PCDH17: variants seen among roughly 807,000 people sequenced by gnomAD.
PCDH17 encodes the protein protocadherin-17.
In PCDH17, 21 loss-of-function variants were observed where a neutral mutation model predicts 67.7. That is an observed-to-expected ratio of 0.31 (90% CI 0.22 to 0.45). The LOEUF (loss-of-function observed/expected upper bound fraction) is 0.45, where lower values mean the gene tolerates loss of function less well. Ranked by LOEUF, PCDH17 falls within the 20% of genes least tolerant of loss-of-function variation. The pLI is 1.00. For synonymous variants in PCDH17, 701 were observed against 656.7 expected (o/e 1.07, Z -1.03); for missense variants, 1,471 against 1,564.8 (o/e 0.94, Z 1.01).
Position 57,725,316 on chromosome 13 carries a change from T to C in PCDH17, c.*22T>C. On this transcript the variant is annotated 3_prime_UTR_variant, in exon 4 of 4. Coordinates refer to ENST00000377918, the MANE Select transcript of PCDH17 (RefSeq NM_001040429.3). ...GTGAAAAAAGAAAAAAAAAAAGGCATTGGCATTTTCTTGTCTCTTCTGTTG... is the reference window on the plus strand; with the variant it reads ...GTGAAAAAAGAAAAAAAAAAAGGCACTGGCATTTTCTTGTCTCTTCTGTTG... The C allele has an allele frequency of 6.5e-7, 1 of 1,539,230 alleles. No individual in the cohort carries two copies. Among genetic ancestry groups the C allele is most frequent in the South Asian group, 1.2e-5 (1 of 85,066 alleles).
chr13:57,633,330 G>A lies in PCDH17; in HGVS notation c.784G>A (p.Val262Ile). The A allele has an allele frequency of 6.2e-7, 1 of 1,613,224 alleles. No individual in the cohort carries two copies. The highest frequency in any genetic ancestry group is 8.5e-7 in the Non-Finnish European group (1 of 1,179,992). The change falls in exon 1 of 4, where the codon GTC becomes ATC. Residue 262 changes from valine (V) to isoleucine (I), a missense_variant. By Grantham distance (29) the Val-to-Ile change is conservative. Around this residue, in one of 3 missense-constraint regions of PCDH17, gnomAD observed 1,163 missense variants for 1,230.0 expected, o/e 0.95. Coordinates refer to ENST00000377918, the MANE Select transcript of PCDH17 (RefSeq NM_001040429.3). This position sits in a 1 kb window ranked among gnomAD's most constrained non-coding sequence, Gnocchi z 6.2. ...LPENAPLGTV[V>I]IDLNATDADE... ...CGAGAACGCTCCGCTGGGTACAGTG[G>A]TCATCGATCTGAACGCCACCGACGC...
intron 3 of PCDH17, among the ~76,000 whole-genome samples, chr13:57,681,392 A>T (rs1422214798): frequency 6.6e-6 from 1 of 151,858 alleles, no homozygotes; most frequent in Non-Finnish European, 1.5e-5. Context: ...CTATAGTCAT[A>T]TGATTAACTG....
chr13:57,710,546 A>T (rs1955766951), intron 3 of PCDH17, among the ~76,000 whole-genome samples: 1 of 151,806 alleles, frequency 6.6e-6, no homozygotes, highest in Non-Finnish European at 1.5e-5. Flanking sequence ...AAAATTAAGT[A>T]AAAAAACAGG....
chr13:57,636,494 TATA>T lies in PCDH17; in HGVS notation c.2565+1386_2565+1388del, dbSNP rs544278863. 4.6e-5 allele frequency among the ~76,000 whole-genome samples: 7 copies of T among 152,248 alleles called. No individual in the cohort carries two copies. In the East Asian group the frequency reaches 1.3e-3, roughly 29 times the overall value. ...AGCAAAATATATTTTCCTATAATAG[TATA>T]ATGTCCTTGTAAAACAATCTCACAC... On this transcript the variant is annotated intron_variant, in intron 1 of 3. Coordinates refer to ENST00000377918, the MANE Select transcript of PCDH17 (RefSeq NM_001040429.3).
chr13:57,675,292 G>T (rs143103092), intron 3 of PCDH17, among the ~76,000 whole-genome samples: 1 of 151,878 alleles, frequency 6.6e-6, no homozygotes, highest in Non-Finnish European at 1.5e-5. Context: ...CTTATTTGTT[G>T]CTCATTGATT....
At chr13:57,655,532 T>G (rs1289474989) in intron 1 of PCDH17, among the ~76,000 whole-genome samples, 1 of 151,986 alleles carries the variant, frequency 6.6e-6, no homozygotes, top group African/African-American at 2.4e-5. Context: ...AGTAACATAT[T>G]AAATTTCTTT....
chr13:57,633,832 C>T lies in PCDH17; in HGVS notation c.1286C>T (p.Pro429Leu), dbSNP rs750841839. Residue 429 changes from proline to leucine, a missense_variant, in exon 1 of 4, where the codon CCG (proline) becomes CTG (leucine). By Grantham distance (98) the Pro-to-Leu change is moderately conservative. Coordinates refer to ENST00000377918, the MANE Select transcript of PCDH17 (RefSeq NM_001040429.3). The surrounding 1 kb of genome is among the most constrained non-coding windows in gnomAD (Gnocchi z 6.2). Reference protein sequence around the residue: ...DNFYTVVTDRPLDRETQDEYN... With the variant: ...DNFYTVVTDRLLDRETQDEYN... ...TTCTACACGGTGGTGACTGACCGCC[C>T]GCTGGACCGCGAGACACAAGACGAG... 2 of 1,612,474 alleles carry T rather than the reference C, an allele frequency of 1.2e-6. No individual in the cohort carries two copies. Among genetic ancestry groups the T allele is most frequent in the South Asian group, 1.1e-5 (1 of 91,084 alleles).
chr13:57,705,107 CTTAATA>C (rs1333276351), intron 3 of PCDH17, among the ~76,000 whole-genome samples: 3 of 151,836 alleles, frequency 2.0e-5, no homozygotes, highest in African/African-American at 7.3e-5. Context: ...GAAAATATGA[CTTAATA>C]TTAATATAGA....
chr13:57,661,194 T>C (rs2138016041), intron 1 of PCDH17, among the ~76,000 whole-genome samples: 1 of 152,308 alleles, frequency 6.6e-6, no homozygotes, highest in African/African-American at 2.4e-5. Flanking sequence ...TTTCATATAA[T>C]CTAATAAATA....
At position 57,634,911 on chromosome 13, in the gene PCDH17, C is replaced by T; in HGVS notation, c.2365C>T (p.Pro789Ser). ...GAACGTCATGAACGTGGTGAGCAGCCCCTCCCTGGCCACCTCCCCCATGTA... is the reference window on the plus strand; with the variant it reads ...GAACGTCATGAACGTGGTGAGCAGCTCCTCCCTGGCCACCTCCCCCATGTA... ...AMNVMNVVSS[P>S]SLATSPMYFD... The change falls in exon 1 of 4, where the codon CCC (proline) becomes TCC (serine). Residue 789 changes from proline to serine, a missense_variant. Coordinates refer to ENST00000377918, the MANE Select transcript of PCDH17 (RefSeq NM_001040429.3). This position sits in a 1 kb window ranked among gnomAD's most constrained non-coding sequence, Gnocchi z 7.8. The T allele has an allele frequency of 6.2e-7, 1 of 1,613,918 alleles. No individual in the cohort carries two copies. Among genetic ancestry groups the T allele is most frequent in the East Asian group, 2.2e-5 (1 of 44,850 alleles).
At position 57,728,375 on chromosome 13, in the gene PCDH17, G is replaced by A. The variant is rs758534973; in HGVS notation, c.*3081G>A. On this transcript the variant is annotated 3_prime_UTR_variant, in exon 4 of 4. Coordinates refer to ENST00000377918, the MANE Select transcript of PCDH17 (RefSeq NM_001040429.3). The stretch of plus-strand genomic sequence containing the variant: ...TTTCAAGTACTAACCCCTCAAAAAA[G>A]CCCACACATACAAAATATGTGATGT... 2.0e-5 allele frequency: 3 copies of A among 151,694 alleles called. No individual in the cohort carries two copies. The highest frequency in any genetic ancestry group is 6.6e-5 in the Admixed American group (1 of 15,190). The allele number at this position is 151,694 out of a possible 1,614,324, so 9.4% of individuals were successfully genotyped here.
intron 1 of PCDH17, among the ~76,000 whole-genome samples, chr13:57,663,623 G>A (rs1013845774): frequency 6.6e-6 from 1 of 152,056 alleles, no homozygotes; most frequent in African/African-American, 2.4e-5. Context: ...AAGGCCAAAT[G>A]GCTATTACGT....
In PCDH17 at chr13:57,634,486, C is replaced by G; in HGVS notation, c.1940C>G (p.Thr647Arg). The G allele has an allele frequency of 6.2e-7, 1 of 1,612,926 alleles. No individual in the cohort carries two copies. The highest frequency in any genetic ancestry group is 8.5e-7 in the Non-Finnish European group (1 of 1,180,006). Reference sequence around the variant, plus strand: ...GACCCGTCCAGCGGCGAGATCCGCACGCTGCACCCTTTCTGGGAGGACGTG... The same window carrying G: ...GACCCGTCCAGCGGCGAGATCCGCAGGCTGCACCCTTTCTGGGAGGACGTG... ...EIDPSSGEIRTLHPFWEDVTP... is the reference protein window; with the variant it reads ...EIDPSSGEIRRLHPFWEDVTP... Residue 647 changes from threonine (T) to arginine (R), a missense_variant, in exon 1 of 4, where the codon ACG becomes AGG. Coordinates refer to ENST00000377918, the MANE Select transcript of PCDH17 (RefSeq NM_001040429.3). The surrounding 1 kb of genome is among the most constrained non-coding windows in gnomAD (Gnocchi z 7.8).
intron 3 of PCDH17, among the ~76,000 whole-genome samples, chr13:57,722,178 G>A (rs962989345): frequency 6.6e-6 from 1 of 152,120 alleles, no homozygotes; most frequent in Admixed American, 6.6e-5. Context: ...TATGTTGGTG[G>A]TTTCAAATTC....
At chr13:57,718,238 G>A (rs1005223639) in intron 3 of PCDH17, among the ~76,000 whole-genome samples, 1 of 151,820 alleles carries the variant, frequency 6.6e-6, no homozygotes, top group African/African-American at 2.4e-5. Context: ...GATAAAATAA[G>A]CTTATTAAAA....
At position 57,632,590 on chromosome 13, in the gene PCDH17, C is replaced by T. The variant is rs1031540532; in HGVS notation, c.44C>T (p.Ala15Val). 1.3e-5 allele frequency: 21 copies of T among 1,613,770 alleles called. No homozygotes were observed. The highest frequency in any genetic ancestry group is 1.7e-5 in the Non-Finnish European group (20 of 1,179,946). Residue 15 changes from alanine (A) to valine (V), a missense_variant, in exon 1 of 4, where the codon GCC (alanine) becomes GTC (valine). Transcript: ENST00000377918. ...ICCCFLLWAP[A>V]LTLKNLNYSV... is the part of the protein sequence containing the mutation. ...TGCTGCTTTCTTCTATGGGCCCCTG[C>T]CCTCACTCTCAAGAACCTCAACTAC...
intron 3 of PCDH17, among the ~76,000 whole-genome samples, chr13:57,668,638 G>A (rs1434031069): frequency 6.6e-6 from 1 of 151,948 alleles, no homozygotes; most frequent in Non-Finnish European, 1.5e-5. Context: ...TCTAGGGAAG[G>A]TGGCTATTAT....
At chr13:57,648,426 C>G (rs1954993587) in intron 1 of PCDH17, among the ~76,000 whole-genome samples, 1 of 151,874 alleles carries the variant, frequency 6.6e-6, no homozygotes, top group Non-Finnish European at 1.5e-5. Flanking sequence ...CTTTAGCTGC[C>G]ATTTTGGACA....
intron 1 of PCDH17, among the ~76,000 whole-genome samples, chr13:57,647,870 T>C (rs1032818513): frequency 6.6e-6 from 1 of 151,868 alleles, no homozygotes; most frequent in Non-Finnish European, 1.5e-5. Flanking sequence ...AGAATGCTAA[T>C]TTTTTTAACC....
Sources: allele counts gnomAD v4.1 joint callset (sites outside exome capture counted in the v4.1 genomes callset), GRCh38; gene constraint gnomAD v4.1.1; regional missense constraint gnomAD v4.1.1; non-coding constraint Gnocchi (gnomAD v3.1); transcripts MANE v1.5; gene names NCBI Gene and HGNC (gene_info 2026-07-23, HGNC 2026-07-21).